The following CHN1 variants were observed in gnomAD, a reference collection of about 807,000 sequenced individuals.
The protein encoded by CHN1 is chimerin 1.
CHN1 carries 37 observed loss-of-function variants against 59.5 expected under a neutral mutation model. That is an observed-to-expected ratio of 0.62 (90% CI 0.48 to 0.82). The LOEUF (loss-of-function observed/expected upper bound fraction) is 0.82. CHN1 is among the 40% of genes least tolerant of loss of function. CHN1 has a pLI of 0.00. For synonymous variants in CHN1, 206 were observed against 200.4 expected, an observed-to-expected ratio of 1.03 and a Z score of -0.24; for missense variants, 469 against 571.0, an observed-to-expected ratio of 0.82 and a Z score of 1.82.
intron 1 of CHN1, among the ~76,000 whole-genome samples, chr2:174,980,526 T>C (rs917743227): frequency 5.3e-5 from 8 of 152,160 alleles, no homozygotes; most frequent in South Asian, 2.1e-4. Context: ...AATAGGAACA[T>C]GCATTATTGG....
At chr2:174,867,310 G>A (rs1687250820) in intron 6 of CHN1, among the ~76,000 whole-genome samples, 1 of 151,674 alleles carries the variant, frequency 6.6e-6, no homozygotes, top group African/African-American at 2.4e-5. Context: ...TCGGGAGATG[G>A]AGGTTGCAGT....
chr2:174,925,929 T>C (rs1689153876), intron 3 of CHN1, among the ~76,000 whole-genome samples: 1 of 152,370 alleles, frequency 6.6e-6, no homozygotes, highest in Middle Eastern at 3.4e-3. Context: ...TTGTTACTCA[T>C]ATTGGCTCAG....
intron 1 of CHN1, among the ~76,000 whole-genome samples, chr2:174,998,588 G>T (rs1433010353): frequency 6.6e-6 from 1 of 152,232 alleles, no homozygotes; most frequent in East Asian, 1.9e-4. Context: ...AGCGCTGCTG[G>T]ATAAAAAACA....
At chr2:174,950,911 G>A (rs1463870245) in intron 2 of CHN1, among the ~76,000 whole-genome samples, 1 of 151,656 alleles carries the variant, frequency 6.6e-6, no homozygotes, top group Non-Finnish European at 1.5e-5. Flanking sequence ...TCCCAAGTAG[G>A]TGGGACTACA....
intron 7 of CHN1, among the ~76,000 whole-genome samples, chr2:174,840,780 T>C (rs558398702): frequency 6.6e-6 from 1 of 152,232 alleles, no homozygotes; most frequent in African/African-American, 2.4e-5. Flanking sequence ...CAATTTTTCA[T>C]ACATATATTG....
chr2:174,851,763 C>T (rs1051279581), intron 6 of CHN1, among the ~76,000 whole-genome samples: 13 of 152,070 alleles, frequency 8.5e-5, no homozygotes, highest in African/African-American at 2.9e-4. Context: ...AACAATCAGA[C>T]AAGAGAAATA....
At chr2:174,826,620 A>G (rs1652346487) in intron 7 of CHN1, among the ~76,000 whole-genome samples, 1 of 152,018 alleles carries the variant, frequency 6.6e-6, no homozygotes, top group African/African-American at 2.4e-5. Context: ...AAAGAGTAGA[A>G]GGTGTTTTGT....
intron 5 of CHN1, 30 bp from the exon 6 acceptor site, chr2:174,878,158 T>A: frequency 6.7e-7 from 1 of 1,495,858 alleles, no homozygotes. Context: ...AAGATGTTTT[T>A]AAGAAAAGTA....
intron 7 of CHN1, among the ~76,000 whole-genome samples, chr2:174,836,549 C>T (rs1187714976): frequency 6.6e-6 from 1 of 152,186 alleles, no homozygotes; most frequent in Non-Finnish European, 1.5e-5. Context: ...TCTCACCCAG[C>T]AAAGTGTTAC....
At chr2:175,002,195 G>A (rs1474353930) in intron 1 of CHN1, among the ~76,000 whole-genome samples, 5 of 152,268 alleles carry the variant, frequency 3.3e-5, no homozygotes, top group African/African-American at 1.2e-4. Flanking sequence ...AAACTATATC[G>A]AAGCTGATAA....
At chr2:174,969,296 A>T (rs1025940780) in intron 1 of CHN1, among the ~76,000 whole-genome samples, 1 of 152,256 alleles carries the variant, frequency 6.6e-6, no homozygotes, top group Admixed American at 6.5e-5. Context: ...CTATTTAAAG[A>T]AGACCACAAC....
At chr2:174,885,183 G>A (rs2105341019) in intron 5 of CHN1, among the ~76,000 whole-genome samples, 1 of 151,248 alleles carries the variant, frequency 6.6e-6, no homozygotes, top group East Asian at 1.9e-4. Flanking sequence ...GACGAGACAG[G>A]AGAATCGCTT....
At chr2:174,909,317 G>A (rs1322197999) in intron 5 of CHN1, among the ~76,000 whole-genome samples, 1 of 152,134 alleles carries the variant, frequency 6.6e-6, no homozygotes, top group Non-Finnish European at 1.5e-5. Flanking sequence ...ACCAGATTTT[G>A]TTTGGTCATT....
At chr2:174,821,814 C>A (rs1374863343) in intron 8 of CHN1, 9 of 407,668 alleles carry the variant, frequency 2.2e-5, no homozygotes, top group South Asian at 5.4e-5. Context: ...TTACAAATTA[C>A]CCAGTCTGTG....
chr2:174,938,041 A>AT (rs1558989567), intron 3 of CHN1, among the ~76,000 whole-genome samples: 1 of 152,036 alleles, frequency 6.6e-6, no homozygotes, highest in African/African-American at 2.4e-5. Flanking sequence ...TTAAAAAAAA[A>AT]TTTTTTTAAG....
chr2:174,814,649 A>G (rs1472282094), intron 8 of CHN1, among the ~76,000 whole-genome samples: 1 of 152,218 alleles, frequency 6.6e-6, no homozygotes, highest in Non-Finnish European at 1.5e-5. Flanking sequence ...CATGTAGTAA[A>G]CTGTGTTCAC....
intron 6 of CHN1, among the ~76,000 whole-genome samples, chr2:174,855,247 T>C (rs1195093457): frequency 6.6e-6 from 1 of 152,128 alleles, no homozygotes; most frequent in African/African-American, 2.4e-5. Flanking sequence ...ATAGAATCAT[T>C]AGCACAATGC....
chr2:174,903,153 C>T (rs969705694), intron 5 of CHN1, among the ~76,000 whole-genome samples: 1 of 152,112 alleles, frequency 6.6e-6, no homozygotes, highest in African/African-American at 2.4e-5. Context: ...CAGATGAGTC[C>T]TTTTTGACTA....
chr2:174,966,865 C>A (rs1690609555), intron 1 of CHN1, among the ~76,000 whole-genome samples: 1 of 152,140 alleles, frequency 6.6e-6, no homozygotes, highest in South Asian at 2.1e-4. Flanking sequence ...ATGTTTAATT[C>A]CTGTCAGTCC....
Sources: allele counts gnomAD v4.1 joint callset (sites outside exome capture counted in the v4.1 genomes callset), GRCh38; gene constraint gnomAD v4.1.1; transcripts MANE v1.5; gene names NCBI Gene and HGNC (gene_info 2026-07-23, HGNC 2026-07-21).